Variants in PARP8 observed in about 807,000 individuals in gnomAD.
PARP8 encodes the protein poly(ADP-ribose) polymerase family member 8, also known as protein mono-ADP-ribosyltransferase PARP8.
Under a neutral mutation model 124.1 loss-of-function variants are expected in PARP8, and 51 were observed. The observed-to-expected ratio is 0.41, with a 90% CI of 0.33 to 0.52. The LOEUF (loss-of-function observed/expected upper bound fraction) is 0.52. Among genes scored for constraint, PARP8 ranks in the 20% least tolerant of loss-of-function variants. The probability of loss-of-function intolerance (pLI) is 0.21; values close to 1 mark genes in which losing one functional copy is unlikely to be tolerated. For synonymous variants in PARP8, 391 were observed against 361.5 expected, an observed-to-expected ratio of 1.08 and a Z score of -0.93; for missense variants, 860 against 1,018.9, an observed-to-expected ratio of 0.84 and a Z score of 2.12.
intron 11 of PARP8, 127 bp downstream of exon 11, chr5:50,794,459 G>C: frequency 9.8e-7 from 1 of 1,022,988 alleles, no homozygotes; most frequent in Non-Finnish European, 1.4e-6. Flanking sequence ...AGAAAAGACT[G>C]AGTTAGATGC....
At chr5:50,727,538 G>A (rs1756551258) in intron 2 of PARP8, among the ~76,000 whole-genome samples, 1 of 152,068 alleles carries the variant, frequency 6.6e-6, no homozygotes, top group Non-Finnish European at 1.5e-5. Context: ...ATGGCTTGTA[G>A]GCTTGTTTTT....
At chr5:50,748,134 A>G (rs978943425) in intron 2 of PARP8, among the ~76,000 whole-genome samples, 4 of 151,846 alleles carry the variant, frequency 2.6e-5, no homozygotes, top group Non-Finnish European at 5.9e-5. Flanking sequence ...TTTGGATTAA[A>G]TGATCCAAAA....
intron 9 of PARP8, 87 bp from the exon 10 acceptor site, chr5:50,788,436 A>G: frequency 2.6e-6 from 3 of 1,168,664 alleles, no homozygotes; most frequent in Non-Finnish European, 3.8e-6. Flanking sequence ...ATATGCACAT[A>G]TATAATGCGA....
chr5:50,759,754 A>G (rs759405431), intron 4 of PARP8, 22 bp downstream of exon 4: 7 of 1,535,814 alleles, frequency 4.6e-6, no homozygotes, highest in Admixed American at 2.4e-5. Context: ...ATTATTTTTT[A>G]TACTAGGTTA....
Position 50,711,990 on chromosome 5 carries a change from G to T in PARP8, c.147-38161G>T, listed in dbSNP as rs1373073198. On this transcript the variant is annotated intron_variant, in intron 2 of 25. Coordinates refer to ENST00000281631, the MANE Select transcript of PARP8 (RefSeq NM_024615.4). ...AAAATCTAAATGATTTTTCTGCAAA[G>T]TTGATTTATCTGCATCCTGAAGGAC... Among the ~76,000 whole-genome samples, 5 of 152,038 alleles carry T rather than the reference G, an allele frequency of 3.3e-5. No individual in the cohort carries two copies. The East Asian group carries it at 9.6e-4, about 29-fold the overall frequency.
chr5:50,725,764 T>C (rs1756363467), intron 2 of PARP8, among the ~76,000 whole-genome samples: 2 of 152,204 alleles, frequency 1.3e-5, no homozygotes, highest in Admixed American at 6.6e-5. Flanking sequence ...GCAATAGAAG[T>C]AGATCTGCTG....
rs567181200 is a variant in PARP8 at position 50,730,605 on chromosome 5, C to T, written c.147-19546C>T. On this transcript the variant is annotated intron_variant, in intron 2 of 25. Transcript: ENST00000281631. ...TCAAGATGAGATTTGGTTGCGGACA[C>T]AGCCAAACCATTTCACAAACCAATT... Among the ~76,000 whole-genome samples, 202 of 152,266 alleles carry T rather than the reference C, an allele frequency of 1.3e-3. 1 individual carries two copies. The highest frequency in any genetic ancestry group is 4.8e-3 in the African/African-American group (200 of 41,554).
intron 15 of PARP8, among the ~76,000 whole-genome samples, chr5:50,815,808 C>T (rs1386015744): frequency 6.6e-6 from 1 of 152,074 alleles, no homozygotes; most frequent in Non-Finnish European, 1.5e-5. Context: ...GATATTGAAA[C>T]CCTCGTGCAT....
chr5:50,834,356 G>A (rs1027553073), intron 24 of PARP8, among the ~76,000 whole-genome samples: 9 of 152,076 alleles, frequency 5.9e-5, no homozygotes, highest in Admixed American at 1.3e-4. Context: ...TCCTCTTAAA[G>A]TTGGTATTTG....
intron 23 of PARP8, among the ~76,000 whole-genome samples, chr5:50,833,616 T>G (rs1273358727): frequency 6.6e-6 from 1 of 152,098 alleles, no homozygotes; most frequent in Non-Finnish European, 1.5e-5. Context: ...GAGTAGGTGA[T>G]CTGAAATAAT....
chr5:50,795,458 A>G, intron 12 of PARP8, 41 bp downstream of exon 12: 1 of 1,493,466 alleles, frequency 6.7e-7, no homozygotes, highest in Non-Finnish European at 9.0e-7. Flanking sequence ...AATGTTAGCT[A>G]AGGTGCAGTA....
chr5:50,724,507 G>A (rs1176698568), intron 2 of PARP8, among the ~76,000 whole-genome samples: 1 of 152,092 alleles, frequency 6.6e-6, no homozygotes, highest in Non-Finnish European at 1.5e-5. Flanking sequence ...TTGATATGTA[G>A]ATGAGTTTCC....
chr5:50,717,320 G>A (rs1336273703), intron 2 of PARP8, among the ~76,000 whole-genome samples: 1 of 151,846 alleles, frequency 6.6e-6, no homozygotes, highest in African/African-American at 2.4e-5. Context: ...TGAGACTTAC[G>A]ATGGAATGGA....
chr5:50,807,358 C>T (rs951974861), intron 14 of PARP8, among the ~76,000 whole-genome samples: 4 of 152,012 alleles, frequency 2.6e-5, no homozygotes, highest in Non-Finnish European at 2.9e-5. Context: ...ATCTGCGTAA[C>T]GCTCACATTA....
intron 2 of PARP8, among the ~76,000 whole-genome samples, chr5:50,674,548 A>G (rs1750395253): frequency 6.6e-6 from 1 of 152,216 alleles, no homozygotes; most frequent in East Asian, 1.9e-4. Context: ...TTAATCATTC[A>G]TCTGTTCAGA....
chr5:50,788,484 T>C, intron 9 of PARP8, 39 bp from the exon 10 acceptor site: 2 of 1,582,536 alleles, frequency 1.3e-6, no homozygotes, highest in South Asian at 2.2e-5. Context: ...AGTTTCAGTT[T>C]CAAGTCAATA....
chr5:50,816,860 T>G (rs1745162491), intron 15 of PARP8, among the ~76,000 whole-genome samples: 1 of 152,048 alleles, frequency 6.6e-6, no homozygotes, highest in South Asian at 2.1e-4. Context: ...AATGTGAAAG[T>G]TTTTCTTGTC....
At chr5:50,815,356 G>A (rs1473868484) in intron 14 of PARP8, 76 bp from the exon 15 acceptor site, 1 of 1,007,038 alleles carries the variant, frequency 9.9e-7, no homozygotes. Flanking sequence ...TATTTATTAT[G>A]TGAAATGTTG....
chr5:50,708,755 C>A (rs879331514), intron 2 of PARP8, among the ~76,000 whole-genome samples: 10 of 150,848 alleles, frequency 6.6e-5, no homozygotes, highest in Non-Finnish European at 1.5e-4. Flanking sequence ...TGTGGAGACT[C>A]CTGTCTTAGG....
Sources: allele counts gnomAD v4.1 joint callset (sites outside exome capture counted in the v4.1 genomes callset), GRCh38; gene constraint gnomAD v4.1.1; transcripts MANE v1.5; gene names NCBI Gene and HGNC (gene_info 2026-07-23, HGNC 2026-07-21).